Variants in STS observed in about 807,000 individuals in gnomAD.
STS encodes steroid sulfatase.
STS carries 7 observed loss-of-function variants against 26.8 expected under a neutral mutation model. That is an observed-to-expected ratio of 0.26 (90% CI 0.15 to 0.49). The LOEUF (loss-of-function observed/expected upper bound fraction) is 0.49. STS is among the 20% of genes least tolerant of loss of function. The pLI is 0.98. For synonymous variants in STS, 199 were observed against 189.4 expected, an observed-to-expected ratio of 1.05 and a Z score of -0.42; for missense variants, 434 against 465.6, an observed-to-expected ratio of 0.93 and a Z score of 0.63.
rs376500766 is a variant in STS, at chrX:7,175,626, T to C, written c.-133-15254T>C. Among the ~76,000 whole-genome samples the C allele has an allele frequency of 9.6e-4, 108 of 112,455 alleles. 1 individual carries two copies. Among genetic ancestry groups the C allele is most frequent in the Admixed American group, 6.6e-4 (7 of 10,595 alleles). ...AGAATGAAGATAACACCCAGCATAT[T>C]GTTAGCCCTTAGTACACGATAATGG... On this transcript the variant is annotated intron_variant, in intron 1 of 10. Transcript: ENST00000674429.
In STS at chrX:7,147,975, G is replaced by A. The variant is rs1318916699; in HGVS notation, c.-242G>A. On this transcript the variant is annotated 5_prime_UTR_variant, in exon 1 of 11. In the 5' UTR this introduces an upstream ATG that the reference lacks. Transcript: ENST00000674429. ...ACCGCCCCGCCGCGGCCCCCAGGCC[G>A]TGACGTACCCCGCGCCGACCGTCCC... 12 of 797,360 alleles carry A rather than the reference G, an allele frequency of 1.5e-5. No individual in the cohort carries two copies. In the African/African-American group the frequency reaches 2.4e-4, roughly 16 times the overall value. 65.7% of individuals were successfully genotyped at this position (797,360 alleles called of 1,213,427 possible). A position where few individuals can be genotyped will look rare whatever the true frequency, so the allele number is the denominator to read the frequency against.
At chrX:7,257,108 C>T in intron 3 of STS, 134 bp from the exon 4 acceptor site, 1 of 905,957 alleles carries the variant, frequency 1.1e-6, no homozygotes. Flanking sequence ...CAAAAATTAG[C>T]CAGGCGTGGT....
chrX:7,349,797 A>G, intron 10 of STS, 91 bp from the exon 11 acceptor site: 2 of 1,140,031 alleles, frequency 1.8e-6, no homozygotes, highest in Non-Finnish European at 1.2e-6. Context: ...CTTAAAGCAC[A>G]TGGCAGCATA....
At chrX:7,244,652 TA>T (rs1341893855) in intron 2 of STS, among the ~76,000 whole-genome samples, 1 of 111,372 alleles carries the variant, frequency 9.0e-6, no homozygotes, top group Non-Finnish European at 1.9e-5. Flanking sequence ...ATTTCACAAC[TA>T]GGGGAGAACA....
chrX:7,256,502 A>G (rs991956035), intron 3 of STS, among the ~76,000 whole-genome samples: 2 of 111,723 alleles, frequency 1.8e-5, no homozygotes, highest in Admixed American at 1.9e-4. Context: ...TGTAGAAATT[A>G]GGCAGGGGCT....
chrX:7,325,989 G>C lies in STS; in HGVS notation c.1241+491G>C, dbSNP rs779097178. Among the ~76,000 whole-genome samples the C allele has an allele frequency of 1.9e-3, 208 of 112,109 alleles. 1 individual carries two copies. Among genetic ancestry groups the C allele is most frequent in the Admixed American group, 3.3e-3 (35 of 10,556 alleles). ...TGGGCAGTTTTTACACAGAAAGGCA[G>C]GGGGAAAGTTGGAGTCATATTTTTA... is the stretch of plus-strand genomic sequence containing the variant. On this transcript the variant is annotated intron_variant, in intron 9 of 10. Transcript: ENST00000674429.
At chrX:7,170,375 A>G (rs802899) in intron 1 of STS, among the ~76,000 whole-genome samples, 33,571 of 110,239 alleles carry the variant, frequency 0.3, 3,917 homozygotes, top group Middle Eastern at 0.45. Flanking sequence ...AAAACATTCA[A>G]TTGTACAACT....
At chrX:7,204,467 C>A (rs1236374364) in intron 2 of STS, among the ~76,000 whole-genome samples, 1 of 106,677 alleles carries the variant, frequency 9.4e-6, no homozygotes, top group Non-Finnish European at 1.9e-5. Context: ...CTGTTGATTC[C>A]CCTTCTTTCC....
At chrX:7,216,194 C>T (rs1255686213) in intron 2 of STS, among the ~76,000 whole-genome samples, 1 of 112,012 alleles carries the variant, frequency 8.9e-6, no homozygotes, top group Admixed American at 9.5e-5. Context: ...CAGACATGCA[C>T]CTGCACCCCC....
chrX:7,326,394 G>A (rs994776684), intron 9 of STS, among the ~76,000 whole-genome samples: 6 of 111,408 alleles, frequency 5.4e-5, no homozygotes, highest in South Asian at 3.7e-4. Flanking sequence ...CGCTCTTCTC[G>A]TCTGTTCACC....
intron 7 of STS, among the ~76,000 whole-genome samples, chrX:7,290,689 T>C (rs910214190): frequency 1.8e-5 from 2 of 111,999 alleles, no homozygotes; most frequent in African/African-American, 3.2e-5. Context: ...AAGGACAGAC[T>C]TTGTGACCAG....
intron 10 of STS, among the ~76,000 whole-genome samples, chrX:7,346,860 G>C (rs1047160732): frequency 1.8e-5 from 2 of 111,176 alleles, no homozygotes; most frequent in Non-Finnish European, 3.8e-5. Flanking sequence ...TTGAGCCCAG[G>C]AGTTCGAGAC....
intron 8 of STS, among the ~76,000 whole-genome samples, chrX:7,324,700 C>T (rs1450390762): frequency 9.0e-6 from 1 of 111,342 alleles, no homozygotes; most frequent in Non-Finnish European, 1.9e-5. Flanking sequence ...TGTCCAATCC[C>T]CTGTTTCCAT....
chrX:7,299,025 T>C lies in STS; in HGVS notation c.944-6021T>C, dbSNP rs1302357826. On this transcript the variant is annotated intron_variant, in intron 7 of 10. Transcript: ENST00000674429. Reference sequence around the variant, plus strand: ...TTATATATTTATATATATATAAATATATTTTATTTATATATTTATATATAA... The same window carrying C: ...TTATATATTTATATATATATAAATACATTTTATTTATATATTTATATATAA... Among the ~76,000 whole-genome samples, 3 of 55,419 alleles carry C rather than the reference T, an allele frequency of 5.4e-5. No homozygotes were observed. In the East Asian group the frequency reaches 1.5e-3, roughly 28 times the overall value. 48.1% of individuals were successfully genotyped at this position (55,419 alleles called of 115,157 possible).
At chrX:7,236,396 A>C (rs1922311166) in intron 2 of STS, among the ~76,000 whole-genome samples, 1 of 112,369 alleles carries the variant, frequency 8.9e-6, no homozygotes, top group Non-Finnish European at 1.9e-5. Context: ...ATTAGAAGTT[A>C]TGGTAATTTT....
At chrX:7,229,990 G>C (rs753959416) in intron 2 of STS, among the ~76,000 whole-genome samples, 39 of 110,675 alleles carry the variant, frequency 3.5e-4, no homozygotes, top group Non-Finnish European at 6.6e-4. Context: ...GAGATCCTCC[G>C]ACCTCAGCCT....
intron 10 of STS, among the ~76,000 whole-genome samples, chrX:7,344,396 C>T (rs190636349): frequency 3.1e-4 from 34 of 111,330 alleles, no homozygotes; most frequent in African/African-American, 9.8e-4. Context: ...ATGTGTCTTC[C>T]GACACGGCCA....
chrX:7,336,773 C>T (rs1219916213), intron 10 of STS, among the ~76,000 whole-genome samples: 1 of 112,192 alleles, frequency 8.9e-6, no homozygotes, highest in Non-Finnish European at 1.9e-5. Flanking sequence ...TCGAATAAGT[C>T]TGTATCATGT....
intron 5 of STS, among the ~76,000 whole-genome samples, chrX:7,258,959 A>G (rs1345297096): frequency 3.7e-5 from 4 of 109,272 alleles, no homozygotes; most frequent in Non-Finnish European, 7.6e-5. Context: ...TTTCCTGCCT[A>G]TTAAAGATAT....
Sources: gnomAD v4.1 joint callset for allele counts (sites outside exome capture counted in the v4.1 genomes callset) on GRCh38, gnomAD v4.1.1 for gene constraint, MANE v1.5 for transcripts, NCBI Gene and HGNC (gene_info 2026-07-23, HGNC 2026-07-21) for gene names.